RFX7: variants seen among roughly 807,000 people sequenced by gnomAD.
RFX7 encodes regulatory factor X7.
Under a neutral mutation model 111.8 loss-of-function variants are expected in RFX7, and 26 were observed. The observed-to-expected ratio is 0.23, with a 90% CI of 0.17 to 0.32. The LOEUF (loss-of-function observed/expected upper bound fraction) is 0.32, where lower values mean the gene tolerates loss of function less well. Ranked by LOEUF, RFX7 falls within the 10% of genes least tolerant of loss-of-function variation. The pLI is 1.00. For synonymous variants in RFX7, 624 were observed against 624.4 expected (o/e 1.00, Z 0.01); for missense variants, 1,573 against 1,772.9 (o/e 0.89, Z 2.02).
chr15:56,101,175 A>G (rs1369159961), intron 8 of RFX7, among the ~76,000 whole-genome samples, 184 bp downstream of exon 8: 6 of 152,196 alleles, frequency 3.9e-5, no homozygotes, highest in African/African-American at 1.2e-4. Context: ...TAAGCTTTAT[A>G]ATGAAAGGAT....
chr15:56,208,672 T>C (rs1345676764), intron 2 of RFX7, among the ~76,000 whole-genome samples: 2 of 152,030 alleles, frequency 1.3e-5, no homozygotes, highest in African/African-American at 4.8e-5. Flanking sequence ...GTACACAGAC[T>C]GCAAGAACAG....
intron 2 of RFX7, among the ~76,000 whole-genome samples, chr15:56,203,008 T>C (rs1196452364): frequency 6.6e-6 from 1 of 152,120 alleles, no homozygotes; most frequent in Non-Finnish European, 1.5e-5. Context: ...GTGATCAGTA[T>C]CTCAATATCT....
chr15:56,236,966 C>A (rs1369088821), intron 2 of RFX7, among the ~76,000 whole-genome samples: 6 of 152,294 alleles, frequency 3.9e-5, no homozygotes, highest in East Asian at 3.9e-4. Context: ...AGAACCCTTG[C>A]ACAAGGTAGC....
intron 2 of RFX7, among the ~76,000 whole-genome samples, chr15:56,216,785 A>T (rs1158941117): frequency 6.6e-6 from 1 of 152,164 alleles, no homozygotes; most frequent in African/African-American, 2.4e-5. Flanking sequence ...ATTATCATCA[A>T]ATTTTCTACA....
At chr15:56,183,524 T>C (rs2042999977) in intron 2 of RFX7, among the ~76,000 whole-genome samples, 2 of 152,206 alleles carry the variant, frequency 1.3e-5, no homozygotes, top group South Asian at 4.1e-4. Flanking sequence ...TAAATTTCTG[T>C]ACACGCTTGA....
intron 2 of RFX7, among the ~76,000 whole-genome samples, chr15:56,185,478 C>A (rs1387003459): frequency 6.6e-6 from 1 of 152,154 alleles, no homozygotes; most frequent in Non-Finnish European, 1.5e-5. Flanking sequence ...CAGTTTCTGA[C>A]ATATGTTAAA....
rs140117978 is a variant in RFX7 at position 56,167,377 on chromosome 15, G to A, written c.195+11893C>T. On this transcript the variant is annotated intron_variant, in intron 3 of 9. Transcript: ENST00000559447. ...AACTATACCTCTCCGATAGACCAAC[G>A]TAACTGAAGTAAAATAAGGGGACTC... Among the ~76,000 whole-genome samples the A allele has an allele frequency of 3.6e-3, 545 of 152,208 alleles. 12 individuals carry two copies. In the East Asian group the frequency reaches 0.06, roughly 17 times the overall value.
rs771521515 is a variant in RFX7 at position 56,095,295 on chromosome 15, A to G, written c.2433T>C (p.Ser811=). ...CAGATTTCTCTAAGTCATTGATATC[A>G]GAGTGCTCAGGAATTGTCATAACAC... is the stretch of plus-strand genomic sequence containing the variant. ...DISVMTIPEH[S]DINDLEKSVW... is the part of the protein sequence containing the mutation. Residue 811 remains serine (S), a synonymous_variant, in exon 10 of 10, where the codon TCT becomes TCC. Transcript: ENST00000559447. 1 of 1,613,956 alleles carries G rather than the reference A, an allele frequency of 6.2e-7. No homozygotes were observed. Among genetic ancestry groups the G allele is most frequent in the Non-Finnish European group, 8.5e-7 (1 of 1,179,854 alleles).
At position 56,198,903 on chromosome 15, in the gene RFX7, T is replaced by C. The variant is rs1025023411; in HGVS notation, c.162-19600A>G. Among the ~76,000 whole-genome samples the C allele has an allele frequency of 2.6e-5, 4 of 151,996 alleles. No homozygotes were observed. The South Asian group carries it at 8.3e-4, about 31-fold the overall frequency. ...GGGACTGGGTGTGGTGGCTCAGGCCTGTAACCCAGCACTTTGGGAGGCCAA... is the reference window on the plus strand; with the variant it reads ...GGGACTGGGTGTGGTGGCTCAGGCCCGTAACCCAGCACTTTGGGAGGCCAA... On this transcript the variant is annotated intron_variant, in intron 2 of 9. Transcript: ENST00000559447.
In RFX7 at chr15:56,101,137, A is replaced by G. The variant is rs571316389; in HGVS notation, c.811+222T>C. On this transcript the variant is annotated intron_variant, in intron 8 of 9. Transcript: ENST00000559447. The stretch of plus-strand genomic sequence containing the variant: ...TGGGGAATCTACAGTTTCATATGCC[A>G]GCAAAGCAATATATAGAAACATAGC... 5.3e-5 allele frequency among the ~76,000 whole-genome samples: 8 copies of G among 152,342 alleles called. No individual in the cohort carries two copies. In the East Asian group the frequency reaches 1.5e-3, roughly 29 times the overall value.
chr15:56,166,227 G>C (rs1381118495), intron 3 of RFX7, among the ~76,000 whole-genome samples: 1 of 152,168 alleles, frequency 6.6e-6, no homozygotes, highest in Non-Finnish European at 1.5e-5. Flanking sequence ...ATCTTACTAG[G>C]ATTGCGTTGA....
In RFX7 at chr15:56,095,222, G is replaced by GTAGCTGCTGGCTATA; in HGVS notation, c.2491_2505dup (p.Tyr831_Leu835dup). On this transcript the variant is annotated inframe_insertion, in exon 10 of 10. Transcript: ENST00000559447. ...AAAGAAGATTCCTGTATCTGGCTAT[G>GTAGCTGCTGGCTATA]TAGCTGCTGGCTATATGTGTCCTGT... The GTAGCTGCTGGCTATA allele has an allele frequency of 6.2e-7, 1 of 1,613,644 alleles. No homozygotes were observed.
intron 3 of RFX7, among the ~76,000 whole-genome samples, chr15:56,164,087 G>A (rs1469855776): frequency 2.0e-5 from 3 of 152,192 alleles, no homozygotes; most frequent in African/African-American, 7.2e-5. Flanking sequence ...CCACTACTTA[G>A]GTTCAACTGC....
chr15:56,225,951 CTA>C (rs2043478631), intron 2 of RFX7, among the ~76,000 whole-genome samples: 1 of 151,796 alleles, frequency 6.6e-6, no homozygotes, highest in Non-Finnish European at 1.5e-5. Context: ...ATATGAATAA[CTA>C]TTTTCTTTTA....
intron 2 of RFX7, among the ~76,000 whole-genome samples, chr15:56,235,655 T>C (rs1458265752): frequency 6.6e-6 from 1 of 152,114 alleles, no homozygotes; most frequent in Non-Finnish European, 1.5e-5. Flanking sequence ...AAATTAAAAA[T>C]TACTGATTTT....
intron 3 of RFX7, among the ~76,000 whole-genome samples, chr15:56,160,065 G>GC: frequency 6.6e-6 from 1 of 151,944 alleles, no homozygotes. Context: ...GTTTGGTTTT[G>GC]TTTTTTTAAG....
chr15:56,192,037 A>T (rs1482091076), intron 2 of RFX7, among the ~76,000 whole-genome samples: 1 of 152,136 alleles, frequency 6.6e-6, no homozygotes, highest in Non-Finnish European at 1.5e-5. Flanking sequence ...TCTTCCCCTT[A>T]TGAGAGAATG....
chr15:56,150,829 A>C (rs1595968861), intron 3 of RFX7, among the ~76,000 whole-genome samples: 1 of 152,200 alleles, frequency 6.6e-6, no homozygotes, highest in Non-Finnish European at 1.5e-5. Context: ...AAAAAAGGTT[A>C]GTTGAATTGC....
At position 56,088,004 on chromosome 15, in the gene RFX7, G is replaced by T. The variant is rs1330745724; in HGVS notation, c.*5341C>A. 1.9e-5 allele frequency: 6 copies of T among 321,092 alleles called. No homozygotes were observed. The highest frequency in any genetic ancestry group is 2.5e-5 in the South Asian group (1 of 39,928). 19.9% of individuals were successfully genotyped at this position (321,092 alleles called of 1,614,324 possible). A position where few individuals can be genotyped will look rare whatever the true frequency, so the allele number is the denominator to read the frequency against. On this transcript the variant is annotated 3_prime_UTR_variant, in exon 10 of 10. Coordinates refer to ENST00000559447, the MANE Select transcript of RFX7 (RefSeq NM_022841.7). Reference sequence around the variant, plus strand: ...ATCAGGGTATTTCTATGGAGAGAAGGGAGGGAAAAGGATTCAAGTAATTTG... The same window carrying T: ...ATCAGGGTATTTCTATGGAGAGAAGTGAGGGAAAAGGATTCAAGTAATTTG...
Sources: gnomAD v4.1 joint callset for allele counts (sites outside exome capture counted in the v4.1 genomes callset) on GRCh38, gnomAD v4.1.1 for gene constraint, MANE v1.5 for transcripts, NCBI Gene and HGNC (gene_info 2026-07-23, HGNC 2026-07-21) for gene names.